ADGB: variants seen among roughly 807,000 people sequenced by gnomAD.
ADGB encodes the protein calpain-7-like protein.
ADGB carries 172 observed loss-of-function variants against 210.5 expected under a neutral mutation model. The ratio of observed to expected loss-of-function variants is 0.82; its 90% CI spans 0.72 to 0.93. The LOEUF (loss-of-function observed/expected upper bound fraction) is 0.93, where lower values mean the gene tolerates loss of function less well. Among genes scored for constraint, ADGB ranks in the 40% least tolerant of loss-of-function variants. The probability of loss-of-function intolerance (pLI) is 0.00; values close to 1 mark genes in which losing one functional copy is unlikely to be tolerated. For missense variants in ADGB, 2,025 were observed against 1,964.8 expected (o/e 1.03, Z -0.58); for synonymous variants, 658 against 662.7 (o/e 0.99, Z 0.11).
At chr6:146,631,205 A>G (rs1317198122) in intron 1 of ADGB, among the ~76,000 whole-genome samples, 1 of 152,216 alleles carries the variant, frequency 6.6e-6, no homozygotes, top group Non-Finnish European at 1.5e-5. Context: ...ACAATGCTAC[A>G]GTATCGAAAA....
chr6:146,636,473 T>C (rs894289192), intron 2 of ADGB, among the ~76,000 whole-genome samples: 1 of 152,082 alleles, frequency 6.6e-6, no homozygotes, highest in Non-Finnish European at 1.5e-5. Context: ...AAATTCTTTG[T>C]ACCACATCTA....
In ADGB at chr6:146,815,191, A is replaced by T; in HGVS notation, c.4978A>T (p.Lys1660Ter). ...EKMTPAPDTQ[K>*]KKKGKKK is the part of the protein sequence containing the mutation. ...GATGACCCCAGCTCCTGACACACAG[A>T]AAAAAAAGAAAGGAAAGAAAAAGTA... Residue 1660 changes from lysine to a stop codon, truncating the protein, a stop_gained, in exon 36 of 36, where the codon AAA becomes TAA. Transcript: ENST00000397944. LOFTEE classifies it high-confidence loss of function. 6.7e-7 allele frequency: 1 copy of T among 1,503,466 alleles called. No homozygotes were observed. The highest frequency in any genetic ancestry group is 8.8e-7 in the Non-Finnish European group (1 of 1,133,328). 93.1% of individuals were successfully genotyped at this position (1,503,466 alleles called of 1,614,324 possible). A position where few individuals can be genotyped will look rare whatever the true frequency, so the allele number is the denominator to read the frequency against.
At chr6:146,803,778 G>T (rs949962235) in intron 35 of ADGB, 6 of 616,592 alleles carry the variant, frequency 9.7e-6, no homozygotes, top group Non-Finnish European at 1.1e-5. Context: ...GACAATCAGC[G>T]CCCGGCAGCC....
At chr6:146,750,043 A>C (rs1385344154) in intron 26 of ADGB, among the ~76,000 whole-genome samples, 2 of 152,084 alleles carry the variant, frequency 1.3e-5, no homozygotes, top group African/African-American at 4.8e-5. Context: ...CTGATGGAGT[A>C]GGCACGTGGA....
intron 1 of ADGB, among the ~76,000 whole-genome samples, chr6:146,601,378 T>G (rs887821502): frequency 3.9e-5 from 6 of 152,220 alleles, no homozygotes; most frequent in Admixed American, 6.5e-5. Flanking sequence ...CTATTGAGCA[T>G]CAAACACCAA....
rs1421477815 is a variant in ADGB at position 146,676,329 on chromosome 6, A to C, written c.1104A>C (p.Arg368Ser). The C allele has an allele frequency of 6.5e-6, 10 of 1,548,276 alleles. No homozygotes were observed. The highest frequency in any genetic ancestry group is 7.9e-6 in the Non-Finnish European group (9 of 1,145,364). Residue 368 changes from arginine (R) to serine (S), a missense_variant, in exon 9 of 36, where the codon AGA becomes AGC. Physicochemically the swap from Arg to Ser is moderately radical, Grantham distance 110. Transcript: ENST00000397944. ...ATATGTTAGAGAAAGCAGATGCAAG[A>C]GACATTGGAAAGAAGAGAAGCAAAG... ...DKVPKEKADARDIGKKRSKDG... is the reference protein window; with the variant it reads ...DKVPKEKADASDIGKKRSKDG...
At chr6:146,625,504 C>T (rs1780959712) in intron 1 of ADGB, among the ~76,000 whole-genome samples, 1 of 151,938 alleles carries the variant, frequency 6.6e-6, no homozygotes, top group Non-Finnish European at 1.5e-5. Context: ...TCCAAATATC[C>T]TGTTGAAATG....
intron 1 of ADGB, among the ~76,000 whole-genome samples, chr6:146,634,981 A>G (rs1034616987): frequency 8.5e-5 from 13 of 152,090 alleles, no homozygotes; most frequent in African/African-American, 2.9e-4. Context: ...TATACAAAGT[A>G]TATGCAAAAT....
At chr6:146,747,042 G>A (rs1263203081) in intron 26 of ADGB, among the ~76,000 whole-genome samples, 1 of 152,036 alleles carries the variant, frequency 6.6e-6, no homozygotes, top group Non-Finnish European at 1.5e-5. Context: ...TGTTCTCTCT[G>A]AGACTGTGAC....
chr6:146,676,559 G>A lies in ADGB; in HGVS notation c.1216+118G>A, dbSNP rs193295564. On this transcript the variant is annotated intron_variant, in intron 9 of 35. Coordinates refer to ENST00000397944, the MANE Select transcript of ADGB (RefSeq NM_024694.4). ...AAATAACTAAATAAACTTAGTCAAG[G>A]TTGCCATAAATGTTGGGTTCTCAGA... The A allele has an allele frequency of 2.1e-4, 215 of 1,029,630 alleles. No individual in the cohort carries two copies. The Admixed American group carries it at 2.1e-3, about 10-fold the overall frequency. 63.8% of individuals were successfully genotyped at this position (1,029,630 alleles called of 1,614,324 possible).
chr6:146,615,026 G>C (rs1450586320), intron 1 of ADGB, among the ~76,000 whole-genome samples: 1 of 151,776 alleles, frequency 6.6e-6, no homozygotes, highest in Admixed American at 6.6e-5. Context: ...TCAGCCTCCC[G>C]AGTAGCTGGG....
At chr6:146,761,280 G>C (rs1029865415) in intron 27 of ADGB, among the ~76,000 whole-genome samples, 1 of 151,866 alleles carries the variant, frequency 6.6e-6, no homozygotes, top group Admixed American at 6.6e-5. Flanking sequence ...GTTTAAGGTA[G>C]GCAGTCAAAA....
chr6:146,618,251 A>G (rs1342614510), intron 1 of ADGB, among the ~76,000 whole-genome samples: 1 of 150,628 alleles, frequency 6.6e-6, no homozygotes, highest in Admixed American at 6.6e-5. Flanking sequence ...GATTTTATTT[A>G]TTTGAGTCTT....
chr6:146,745,854 T>A, intron 25 of ADGB, 68 bp from the exon 26 acceptor site: 1 of 1,241,788 alleles, frequency 8.1e-7, no homozygotes, highest in Non-Finnish European at 1.1e-6. Flanking sequence ...TTAGCACTAT[T>A]AGATATTGTA....
chr6:146,751,537 A>G (rs578152230), intron 26 of ADGB, among the ~76,000 whole-genome samples: 2 of 152,182 alleles, frequency 1.3e-5, no homozygotes, highest in African/African-American at 4.8e-5. Flanking sequence ...CTGGTTCTAA[A>G]TCTTTGAGGA....
At chr6:146,728,338 C>T (rs920699618) in intron 19 of ADGB, among the ~76,000 whole-genome samples, 1 of 152,114 alleles carries the variant, frequency 6.6e-6, no homozygotes, top group Non-Finnish European at 1.5e-5. Flanking sequence ...GGAAATTTTA[C>T]GTGATCCCCA....
intron 27 of ADGB, among the ~76,000 whole-genome samples, chr6:146,757,699 T>C (rs1777427775): frequency 6.6e-6 from 1 of 151,702 alleles, no homozygotes; most frequent in Non-Finnish European, 1.5e-5. Context: ...ATTTAAAACT[T>C]TTAAAATTTA....
chr6:146,728,395 T>A (rs1167066024), intron 19 of ADGB, among the ~76,000 whole-genome samples, 179 bp from the exon 20 acceptor site: 1 of 152,204 alleles, frequency 6.6e-6, no homozygotes, highest in African/African-American at 2.4e-5. Flanking sequence ...AGGTAAGAAT[T>A]GCGTTCCTTG....
rs112674716 is a variant in ADGB, at chr6:146,639,510, G to A, written c.237+3973G>A. Among the ~76,000 whole-genome samples, 431 of 152,046 alleles carry A rather than the reference G, an allele frequency of 2.8e-3. 3 individuals are homozygous for A. Among genetic ancestry groups the A allele is most frequent in the African/African-American group, 9.9e-3 (410 of 41,510 alleles). On this transcript the variant is annotated intron_variant, in intron 2 of 35. Coordinates refer to ENST00000397944, the MANE Select transcript of ADGB (RefSeq NM_024694.4). Reference sequence around the variant, plus strand: ...CACCACTCCTATTCAACACAGTATTGGAAGTCAGCCAGAGAAATCAGGTAA... The same window carrying A: ...CACCACTCCTATTCAACACAGTATTAGAAGTCAGCCAGAGAAATCAGGTAA...
Sources: gnomAD v4.1 joint callset for allele counts (sites outside exome capture counted in the v4.1 genomes callset) on GRCh38, gnomAD v4.1.1 for gene constraint, MANE v1.5 for transcripts, NCBI Gene and HGNC (gene_info 2026-07-23, HGNC 2026-07-21) for gene names.